SOX5: variants seen among roughly 807,000 people sequenced by gnomAD.
The protein encoded by SOX5 is transcription factor SOX-5.
SOX5 carries 9 observed loss-of-function variants against 92.0 expected under a neutral mutation model. The observed-to-expected ratio is 0.10, with a 90% confidence interval of 0.06 to 0.17. SOX5 has a LOEUF of 0.17. Ranked by LOEUF, SOX5 falls within the 10% of genes least tolerant of loss-of-function variation. The pLI, the probability that SOX5 is intolerant of heterozygous loss-of-function variation, is 1.00. For missense variants in SOX5, 642 were observed against 944.5 expected (o/e 0.68, Z 4.20); for synonymous variants, 344 against 336.3 (o/e 1.02, Z -0.25).
chr12:24,408,341 G>A (rs180696692), intron 1 of SOX5, among the ~76,000 whole-genome samples: 11 of 152,246 alleles, frequency 7.2e-5, no homozygotes, highest in Non-Finnish European at 1.3e-4. Flanking sequence ...TAAAATAATT[G>A]TAGATCCACA....
chr12:24,422,362 G>T (rs566887799), intron 1 of SOX5, among the ~76,000 whole-genome samples: 1 of 152,272 alleles, frequency 6.6e-6, no homozygotes, highest in East Asian at 1.9e-4. Context: ...AAAAAAATAT[G>T]AGAAGTGATG....
rs146288965 is a variant in SOX5, at chr12:24,386,502, T to A, written c.-250-17863A>T. Among the ~76,000 whole-genome samples, 1,206 of 152,268 alleles carry A rather than the reference T, an allele frequency of 7.9e-3. 15 individuals carry two copies. Among genetic ancestry groups the A allele is most frequent in the African/African-American group, 0.027 (1,140 of 41,568 alleles). ...CCAGACGCTTCATGAAAACATCTTA[T>A]AAATAGAAAAACTGCTTTCTCTCTA... On this transcript the variant is annotated intron_variant, in intron 1 of 4. Transcript: ENST00000446891.
chr12:23,907,197 C>T (rs1004749378), intron 1 of SOX5, among the ~76,000 whole-genome samples: 2 of 151,830 alleles, frequency 1.3e-5, no homozygotes, highest in African/African-American at 4.8e-5. Flanking sequence ...TATGTGTGCA[C>T]ACGTGCGTGC....
At chr12:23,692,160 C>T (rs1277946847) in intron 6 of SOX5, among the ~76,000 whole-genome samples, 1 of 152,036 alleles carries the variant, frequency 6.6e-6, no homozygotes, top group African/African-American at 2.4e-5. Context: ...TGGCTGGGCA[C>T]GGTGGCTCAC....
At chr12:24,155,679 C>G (rs1438455175) in intron 4 of SOX5, among the ~76,000 whole-genome samples, 1 of 152,142 alleles carries the variant, frequency 6.6e-6, no homozygotes, top group Non-Finnish European at 1.5e-5. Context: ...AGCTTTCAAA[C>G]ACAAAAGATA....
At chr12:23,926,311 C>A (rs1328996934) in intron 1 of SOX5, among the ~76,000 whole-genome samples, 3 of 151,990 alleles carry the variant, frequency 2.0e-5, no homozygotes, top group African/African-American at 7.2e-5. Flanking sequence ...CTTTCTTTTT[C>A]TTTACTGGAC....
In SOX5 at chr12:23,630,919, T is replaced by C. The variant is rs1332467989; in HGVS notation, c.1017+9893A>G. Among the ~76,000 whole-genome samples, 4 of 152,154 alleles carry C rather than the reference T, an allele frequency of 2.6e-5. No homozygotes were observed. In the East Asian group the frequency reaches 7.7e-4, roughly 29 times the overall value. ...TAAAAAGATAAAATTGCTTTCATCA[T>C]TTTATCTTTCCTCTAATTATCCCCT... On this transcript the variant is annotated intron_variant, in intron 8 of 14. Transcript: ENST00000451604.
At chr12:24,367,473 C>T (rs978863795) in intron 2 of SOX5, among the ~76,000 whole-genome samples, 8 of 152,102 alleles carry the variant, frequency 5.3e-5, no homozygotes, top group Non-Finnish European at 8.8e-5. Context: ...ACATGGGCAT[C>T]AGCATGGGAA....
intron 1 of SOX5, among the ~76,000 whole-genome samples, chr12:24,491,043 AC>A (rs1947013218): frequency 7.3e-6 from 1 of 136,312 alleles, no homozygotes; most frequent in South Asian, 2.4e-4. Context: ...ACTAACAAAA[AC>A]CCACTATCTC....
chr12:23,908,163 T>C (rs2097313183), intron 1 of SOX5, among the ~76,000 whole-genome samples: 1 of 152,100 alleles, frequency 6.6e-6, no homozygotes, highest in Non-Finnish European at 1.5e-5. Flanking sequence ...ATGACAAAAA[T>C]AATTAAGTAA....
chr12:23,588,381 T>C (rs1333480121), intron 9 of SOX5, among the ~76,000 whole-genome samples: 1 of 151,994 alleles, frequency 6.6e-6, no homozygotes, highest in Non-Finnish European at 1.5e-5. Flanking sequence ...TCATAAAGCA[T>C]GAGGAATTGC....
chr12:24,348,186 A>G (rs1953575056), intron 2 of SOX5, among the ~76,000 whole-genome samples: 2 of 152,022 alleles, frequency 1.3e-5, no homozygotes, highest in African/African-American at 4.8e-5. Context: ...GTTTCAAAAT[A>G]AAATGGATAC....
At chr12:23,840,801 G>A (rs1209749917) in intron 3 of SOX5, among the ~76,000 whole-genome samples, 2 of 152,050 alleles carry the variant, frequency 1.3e-5, no homozygotes, top group Non-Finnish European at 2.9e-5. Flanking sequence ...CAAATTGAAT[G>A]AATGCAGACA....
Position 24,504,923 on chromosome 12 carries a change from G to GA in SOX5, c.-251+57405dup, listed in dbSNP as rs149734111. On this transcript the variant is annotated intron_variant, in intron 1 of 4. Coordinates refer to the SOX5 transcript ENST00000446891. Reference sequence around the variant, plus strand: ...GCATTGAAGATGAGATGCAGGTGAGGAAAAAAAATACCATATCTATGTAAA... The same window carrying GA: ...GCATTGAAGATGAGATGCAGGTGAGGAAAAAAAAATACCATATCTATGTAAA... Among the ~76,000 whole-genome samples the GA allele has an allele frequency of 8.1e-3, 1,222 of 151,524 alleles. 18 individuals are homozygous for GA. The highest frequency in any genetic ancestry group is 0.028 in the African/African-American group (1,176 of 41,370).
chr12:23,736,194 G>A (rs1222118943), intron 5 of SOX5, among the ~76,000 whole-genome samples: 7 of 151,910 alleles, frequency 4.6e-5, no homozygotes, highest in Non-Finnish European at 7.4e-5. Context: ...GGGTGTGGTG[G>A]CTCACGCCTG....
Position 23,994,282 on chromosome 12 carries a change from T to C in SOX5, c.-1-98258A>G, listed in dbSNP as rs193054584. 3.9e-5 allele frequency among the ~76,000 whole-genome samples: 6 copies of C among 152,168 alleles called. No homozygotes were observed. The East Asian group carries it at 1.2e-3, about 29-fold the overall frequency. Reference sequence around the variant, plus strand: ...AAATAGAGCAAAAATGAAGAACAGATAGTAAAATGAAATTAAAGGAATTAC... The same window carrying C: ...AAATAGAGCAAAAATGAAGAACAGACAGTAAAATGAAATTAAAGGAATTAC... On this transcript the variant is annotated intron_variant, in intron 4 of 4. Coordinates refer to the SOX5 transcript ENST00000446891.
At chr12:24,443,108 C>T (rs2137215572) in intron 1 of SOX5, among the ~76,000 whole-genome samples, 1 of 152,188 alleles carries the variant, frequency 6.6e-6, no homozygotes, top group Admixed American at 6.5e-5. Flanking sequence ...CACACTGCAA[C>T]ATCTGGCTAA....
chr12:24,384,924 G>C (rs939451276), intron 1 of SOX5, among the ~76,000 whole-genome samples: 1 of 152,092 alleles, frequency 6.6e-6, no homozygotes, highest in Non-Finnish European at 1.5e-5. Flanking sequence ...TCACAATACT[G>C]ACGGCATTTA....
chr12:24,281,510 A>C (rs895426388), intron 2 of SOX5, among the ~76,000 whole-genome samples: 2 of 152,216 alleles, frequency 1.3e-5, no homozygotes, highest in Non-Finnish European at 2.9e-5. Flanking sequence ...TGATAATTTT[A>C]TGCATAAACA....
Sources: gnomAD v4.1 joint callset for allele counts (sites outside exome capture counted in the v4.1 genomes callset) on GRCh38, gnomAD v4.1.1 for gene constraint, MANE v1.5 for transcripts, NCBI Gene and HGNC (gene_info 2026-07-23, HGNC 2026-07-21) for gene names.